CCM2: variants seen among roughly 807,000 people sequenced by gnomAD.
The protein encoded by CCM2 is cerebral cavernous malformations 2 protein.
A neutral mutation model predicts 44.9 loss-of-function variants in CCM2; 25 were observed. That is an observed-to-expected ratio of 0.56 (90% CI 0.41 to 0.78). The LOEUF (loss-of-function observed/expected upper bound fraction) is 0.78, where lower values mean the gene tolerates loss of function less well. Among genes scored for constraint, CCM2 ranks in the 30% least tolerant of loss-of-function variants. The pLI is 0.00. For synonymous variants in CCM2, 219 were observed against 241.1 expected (o/e 0.91, Z 0.85); for missense variants, 481 against 580.6 (o/e 0.83, Z 1.76).
At chr7:45,064,420 G>T in intron 3 of CCM2, 43 bp from the exon 4 acceptor site, 1 of 1,601,276 alleles carries the variant, frequency 6.2e-7, no homozygotes, top group South Asian at 1.1e-5. Context: ...CATGCCGGTT[G>T]ACAGCTGAGT....
intron 1 of CCM2, among the ~76,000 whole-genome samples, chr7:45,022,699 G>C (rs1437986645): frequency 6.6e-6 from 1 of 152,008 alleles, no homozygotes; most frequent in Non-Finnish European, 1.5e-5. Context: ...GGGTACAAGT[G>C]GTTTTTGGTT....
At chr7:45,072,988 C>G in intron 7 of CCM2, 2 of 658,238 alleles carry the variant, frequency 3.0e-6, no homozygotes. Context: ...TGCTGTCCCT[C>G]TTGTCTCTCC....
chr7:45,070,649 G>A (rs1044188811), intron 6 of CCM2: 15 of 285,162 alleles, frequency 5.3e-5, no homozygotes, highest in East Asian at 1.1e-4. Flanking sequence ...AAATTGAGGT[G>A]CATAAAAAGC....
intron 1 of CCM2, chr7:45,027,638 A>G: frequency 6.2e-7 from 1 of 1,613,512 alleles, no homozygotes; most frequent in Non-Finnish European, 8.5e-7. Context: ...CTGTTCAGTC[A>G]TGTTTTTTTC....
In CCM2 at chr7:45,035,439, A is replaced by G. The variant is rs192508546; in HGVS notation, c.31-2814A>G. 7.9e-5 allele frequency among the ~76,000 whole-genome samples: 12 copies of G among 152,270 alleles called. No individual in the cohort carries two copies. In the East Asian group the frequency reaches 2.3e-3, roughly 29 times the overall value. ...CACCGGATGTACTGAGCAGCAGAGA[A>G]TGGGACCTGGGAGGGGGCCTATTCC... On this transcript the variant is annotated intron_variant, in intron 1 of 9. Coordinates refer to ENST00000258781, the MANE Select transcript of CCM2 (RefSeq NM_031443.4).
chr7:45,000,008 C>G (rs1178365612), upstream of CCM2, among the ~76,000 whole-genome samples: 2 of 152,076 alleles, frequency 1.3e-5, no homozygotes, highest in East Asian at 3.9e-4. Context: ...GCGGTGCTCT[C>G]GCCGTGAGCG....
Position 45,074,349 on chromosome 7 carries a change from A to G in CCM2, c.995A>G (p.His332Arg). 2 of 1,613,776 alleles carry G rather than the reference A, an allele frequency of 1.2e-6. No homozygotes were observed. The highest frequency in any genetic ancestry group is 4.5e-5 in the East Asian group (2 of 44,878). ...LHEYRNGASIHEFCINLRQLY... is the reference protein window; with the variant it reads ...LHEYRNGASIREFCINLRQLY... ...GAGTACCGCAATGGGGCCTCTATCC[A>G]CGAGTTCTGCATCAACCTGCGGCAG... The change falls in exon 9 of 10, where the codon CAC (histidine) becomes CGC (arginine). Residue 332 changes from histidine to arginine, a missense_variant. Transcript: ENST00000258781.
At chr7:45,055,996 C>A (rs116164838) in intron 2 of CCM2, among the ~76,000 whole-genome samples, 1 of 152,198 alleles carries the variant, frequency 6.6e-6, no homozygotes, top group African/African-American at 2.4e-5. Flanking sequence ...TCTTCCATGT[C>A]GTAGCATGTG....
chr7:45,023,787 GTTTT>G lies in CCM2; in HGVS notation c.31-14431_31-14428del, dbSNP rs10596429. Among the ~76,000 whole-genome samples, 18 of 58,640 alleles carry G rather than the reference GTTTT, an allele frequency of 3.1e-4. 1 individual carries two copies. The highest frequency in any genetic ancestry group is 1.1e-3 in the African/African-American group (14 of 13,220). The allele number at this position is 58,640 out of a possible 152,430, so 38.5% of individuals were successfully genotyped here. A position where few individuals can be genotyped will look rare whatever the true frequency, so the allele number is the denominator to read the frequency against. On this transcript the variant is annotated intron_variant, in intron 1 of 9. Coordinates refer to ENST00000258781, the MANE Select transcript of CCM2 (RefSeq NM_031443.4). ...TCATTATTTTGATAGCTCTGTATCA[GTTTT>G]TTTTTTTTTTTTTTTTTTTTTTTTT... is the stretch of plus-strand genomic sequence containing the variant.
chr7:45,068,695 C>T, intron 5 of CCM2, 116 bp downstream of exon 5: 1 of 1,324,110 alleles, frequency 7.6e-7, no homozygotes, highest in East Asian at 2.4e-5. Flanking sequence ...GCCCCAGCTA[C>T]TTCCTCTGCC....
Position 45,075,975 on chromosome 7 carries a change from G to A in CCM2, c.1253G>A (p.Gly418Glu). 6.2e-7 allele frequency: 1 copy of A among 1,613,172 alleles called. No homozygotes were observed. Among genetic ancestry groups the A allele is most frequent in the Non-Finnish European group, 8.5e-7 (1 of 1,180,030 alleles). The part of the protein sequence containing the change: ...SSDDRSAPSE[G>E]DEWDRMISDI... ...GATGACCGGTCGGCACCCTCAGAGG[G>A]GGATGAGTGGGACCGCATGATCTCG... Residue 418 changes from glycine (G) to glutamate (E), a missense_variant, in exon 10 of 10, where the codon GGG becomes GAG. Coordinates refer to ENST00000258781, the MANE Select transcript of CCM2 (RefSeq NM_031443.4).
At chr7:45,061,419 C>T (rs902933670) in intron 2 of CCM2, among the ~76,000 whole-genome samples, 6 of 150,542 alleles carry the variant, frequency 4.0e-5, no homozygotes, top group African/African-American at 1.5e-4. Context: ...TTAAGGATAA[C>T]AGAATGCTCT....
In CCM2 at chr7:45,047,533, T is replaced by A. The variant is rs141429632; in HGVS notation, c.204+9107T>A. Among the ~76,000 whole-genome samples the A allele has an allele frequency of 1.6e-3, 240 of 152,316 alleles. 1 individual carries two copies. Among genetic ancestry groups the A allele is most frequent in the African/African-American group, 5.3e-3 (220 of 41,572 alleles). Reference sequence around the variant, plus strand: ...TCCTGGATGACAGTGAGACCCTGTCTTAAAGCAACAACAAAGGAACAAACT... The same window carrying A: ...TCCTGGATGACAGTGAGACCCTGTCATAAAGCAACAACAAAGGAACAAACT... On this transcript the variant is annotated intron_variant, in intron 2 of 9. Coordinates refer to ENST00000258781, the MANE Select transcript of CCM2 (RefSeq NM_031443.4).
intron 9 of CCM2, 95 bp from the exon 10 acceptor site, chr7:45,075,682 G>C: frequency 6.7e-7 from 1 of 1,498,068 alleles, no homozygotes; most frequent in Non-Finnish European, 9.3e-7. Flanking sequence ...ACCAGGGGCA[G>C]CTGTGGCCCT....
At chr7:45,035,517 T>A (rs1797173416) in intron 1 of CCM2, among the ~76,000 whole-genome samples, 1 of 152,022 alleles carries the variant, frequency 6.6e-6, no homozygotes. Flanking sequence ...TCTGGGTCTA[T>A]GAGAGGACTA....
chr7:45,007,728 T>C (rs1048107843), intron 1 of CCM2, among the ~76,000 whole-genome samples: 100 of 152,304 alleles, frequency 6.6e-4, no homozygotes, highest in African/African-American at 2.1e-3. Context: ...ATGGTGTGTC[T>C]TGTAACCCAA....
intron 2 of CCM2, among the ~76,000 whole-genome samples, chr7:45,045,647 C>T (rs554146404): frequency 8.5e-5 from 13 of 152,148 alleles, no homozygotes; most frequent in South Asian, 4.2e-4. Context: ...AAAAATTAGC[C>T]GGACGTGGTG....
rs75013097 is a variant in CCM2, at chr7:45,075,264, C to T, written c.1055-513C>T. On this transcript the variant is annotated intron_variant, in intron 9 of 9. Coordinates refer to ENST00000258781, the MANE Select transcript of CCM2 (RefSeq NM_031443.4). ...ATCGGGGAGTAGAGATTCTGAGAGA[C>T]ACACTAGGCTTCCCAAATAAGAGGG... Among the ~76,000 whole-genome samples, 582 of 152,368 alleles carry T rather than the reference C, an allele frequency of 3.8e-3. 3 individuals carry two copies. Among genetic ancestry groups the T allele is most frequent in the Admixed American group, 5.8e-3 (88 of 15,304 alleles).
At chr7:45,043,182 C>T (rs1451666704) in intron 2 of CCM2, among the ~76,000 whole-genome samples, 2 of 152,048 alleles carry the variant, frequency 1.3e-5, no homozygotes, top group African/African-American at 4.8e-5. Flanking sequence ...GTTGACCAGG[C>T]TGTCTTGAAC....
Sources: gnomAD v4.1 joint callset for allele counts (sites outside exome capture counted in the v4.1 genomes callset) on GRCh38, gnomAD v4.1.1 for gene constraint, MANE v1.5 for transcripts, NCBI Gene and HGNC (gene_info 2026-07-23, HGNC 2026-07-21) for gene names.